SRPK2: variants seen among roughly 807,000 people sequenced by gnomAD.
The protein encoded by SRPK2 is SRSF protein kinase 2, also known as SFRS protein kinase 2.
In SRPK2, 21 loss-of-function variants were observed where a neutral mutation model predicts 90.8. The observed-to-expected ratio is 0.23, with a 90% CI of 0.16 to 0.33. The LOEUF (loss-of-function observed/expected upper bound fraction) is 0.33, where lower values mean the gene tolerates loss of function less well. Ranked by LOEUF, SRPK2 falls within the 10% of genes least tolerant of loss-of-function variation. The pLI, the probability that SRPK2 is intolerant of heterozygous loss-of-function variation, is 1.00. For missense variants in SRPK2, 620 were observed against 869.0 expected (o/e 0.71, Z 3.60); for synonymous variants, 288 against 311.1 (o/e 0.93, Z 0.78).
chr7:105,218,342 T>C (rs183385402), intron 2 of SRPK2, among the ~76,000 whole-genome samples: 3 of 152,282 alleles, frequency 2.0e-5, no homozygotes, highest in East Asian at 1.9e-4. Flanking sequence ...TTTTTCAAAA[T>C]GCAAAAGTGA....
chr7:105,239,010 T>G (rs1800476817), intron 2 of SRPK2, among the ~76,000 whole-genome samples: 2 of 152,182 alleles, frequency 1.3e-5, no homozygotes, highest in Non-Finnish European at 2.9e-5. Context: ...AATACACTTC[T>G]AAGAACGAAG....
At position 105,368,112 on chromosome 7, in the gene SRPK2, T is replaced by C. The variant is rs139785620; in HGVS notation, c.71+20536A>G. 1.2e-3 allele frequency among the ~76,000 whole-genome samples: 183 copies of C among 152,358 alleles called. 1 individual carries two copies. The highest frequency in any genetic ancestry group is 4.1e-3 in the African/African-American group (171 of 41,596). ...CAAGGAAAAGAGGAAATTATTTCTA[T>C]TACTGGTCATGCCTACAGGGTGTTA... On this transcript the variant is annotated intron_variant, in intron 2 of 15. Coordinates refer to ENST00000393651, the MANE Select transcript of SRPK2 (RefSeq NM_182692.3).
rs973580548 is a variant in SRPK2 at position 105,248,786 on chromosome 7, CA to C, written c.72-45002del. On this transcript the variant is annotated intron_variant, in intron 2 of 15. Coordinates refer to ENST00000393651, the MANE Select transcript of SRPK2 (RefSeq NM_182692.3). ...GAAACCCCGTCTCTACTAAAAAATACAAAAAAAAATTAGCCGGGTGTGGTGT... is the reference window on the plus strand; with the variant it reads ...GAAACCCCGTCTCTACTAAAAAATACAAAAAAAATTAGCCGGGTGTGGTGT... 3.3e-5 allele frequency among the ~76,000 whole-genome samples: 5 copies of C among 150,848 alleles called. No homozygotes were observed. In the East Asian group the frequency reaches 9.8e-4, roughly 29 times the overall value.
At chr7:105,369,788 G>A (rs1023161839) in intron 2 of SRPK2, among the ~76,000 whole-genome samples, 1 of 152,164 alleles carries the variant, frequency 6.6e-6, no homozygotes, top group Non-Finnish European at 1.5e-5. Flanking sequence ...AGTACTTTGG[G>A]AAGATGAAGC....
At chr7:105,338,670 G>A (rs1188390311) in intron 2 of SRPK2, among the ~76,000 whole-genome samples, 1 of 151,966 alleles carries the variant, frequency 6.6e-6, no homozygotes, top group Non-Finnish European at 1.5e-5. Flanking sequence ...TTTTATCAGG[G>A]GTTAAATTTT....
At chr7:105,273,344 T>TTTTCGTATACAG (rs1186840158) in intron 2 of SRPK2, among the ~76,000 whole-genome samples, 2 of 152,116 alleles carry the variant, frequency 1.3e-5, no homozygotes, top group African/African-American at 4.8e-5. Flanking sequence ...CCACTAAATC[T>TTTTCGTATACAG]TTTCGTATAC....
At chr7:105,369,904 G>A (rs1171827600) in intron 2 of SRPK2, among the ~76,000 whole-genome samples, 3 of 152,124 alleles carry the variant, frequency 2.0e-5, no homozygotes, top group African/African-American at 7.2e-5. Flanking sequence ...GCGCATGCCT[G>A]TAATCCCAGC....
intron 2 of SRPK2, among the ~76,000 whole-genome samples, chr7:105,237,542 C>A (rs1439158522): frequency 2.6e-5 from 4 of 152,238 alleles, no homozygotes; most frequent in African/African-American, 9.6e-5. Flanking sequence ...TAGTTTTCAT[C>A]TCTAAAAGGA....
chr7:105,287,274 AAAAAAAAAAAG>A (rs1563194969), intron 2 of SRPK2, among the ~76,000 whole-genome samples: 2 of 135,932 alleles, frequency 1.5e-5, no homozygotes, highest in African/African-American at 2.8e-5. Context: ...AAAAAAAAAA[AAAAAAAAAAAG>A]AAGAAAAGGA....
At chr7:105,203,899 GA>G in intron 2 of SRPK2, 114 bp from the exon 3 acceptor site, 1 of 1,283,282 alleles carries the variant, frequency 7.8e-7, no homozygotes, top group Non-Finnish European at 1.1e-6. Context: ...ATACTAAGAA[GA>G]AATGTCATTT....
intron 2 of SRPK2, among the ~76,000 whole-genome samples, chr7:105,204,316 AAAAT>A (rs1795930030): frequency 1.3e-5 from 2 of 152,368 alleles, no homozygotes; most frequent in East Asian, 3.9e-4. Flanking sequence ...CACTGTAGCT[AAAAT>A]ATACAAGATT....
chr7:105,251,421 C>A (rs950334229), intron 2 of SRPK2, among the ~76,000 whole-genome samples: 13 of 152,094 alleles, frequency 8.5e-5, no homozygotes, highest in African/African-American at 2.9e-4. Flanking sequence ...CCAGGCTGGT[C>A]TTGAACTCCT....
At chr7:105,248,955 C>A (rs1457578173) in intron 2 of SRPK2, among the ~76,000 whole-genome samples, 1 of 151,790 alleles carries the variant, frequency 6.6e-6, no homozygotes, top group Non-Finnish European at 1.5e-5. Context: ...AAAGGTTAAA[C>A]CAGGCTGGTC....
At chr7:105,325,575 C>T (rs1204623729) in intron 2 of SRPK2, among the ~76,000 whole-genome samples, 2 of 121,784 alleles carry the variant, frequency 1.6e-5, no homozygotes, top group Non-Finnish European at 3.3e-5. Flanking sequence ...AAAAAAAGTT[C>T]AACTGGATAC....
chr7:105,363,744 T>C (rs535686151), intron 2 of SRPK2, among the ~76,000 whole-genome samples: 1 of 152,340 alleles, frequency 6.6e-6, no homozygotes, highest in South Asian at 2.1e-4. Flanking sequence ...ATGTTTATTA[T>C]TGCGGCACTA....
At chr7:105,247,531 A>AACACACACACACACACAC (rs59040708) in intron 2 of SRPK2, among the ~76,000 whole-genome samples, 4,444 of 145,172 alleles carry the variant, frequency 0.031, 102 homozygotes, top group Admixed American at 0.047. Context: ...CACACACATA[A>AACACACACACACACACAC]ACACACACAC....
intron 5 of SRPK2, 93 bp downstream of exon 5, chr7:105,167,915 T>C (rs1790296871): frequency 8.8e-7 from 1 of 1,133,542 alleles, no homozygotes; most frequent in South Asian, 1.5e-5. Context: ...CCAGCCAAAC[T>C]TGACTTTAAT....
chr7:105,324,299 GC>G (rs1483260870), intron 2 of SRPK2, among the ~76,000 whole-genome samples: 1 of 151,222 alleles, frequency 6.6e-6, no homozygotes. Flanking sequence ...GAGCCACTGC[GC>G]CGGGCCAACT....
chr7:105,349,148 G>C (rs866857723), intron 2 of SRPK2, among the ~76,000 whole-genome samples: 1 of 103,158 alleles, frequency 9.7e-6, no homozygotes, highest in African/African-American at 3.7e-5. Flanking sequence ...TTTGTAGAAA[G>C]AGAGAAAGAA....
Sources: allele counts gnomAD v4.1 joint callset (sites outside exome capture counted in the v4.1 genomes callset), GRCh38; gene constraint gnomAD v4.1.1; transcripts MANE v1.5; gene names NCBI Gene and HGNC (gene_info 2026-07-23, HGNC 2026-07-21).